CCDC149: variants seen among roughly 807,000 people sequenced by gnomAD.
CCDC149 encodes coiled-coil domain-containing protein 149.
In CCDC149, 45 loss-of-function variants were observed where a neutral mutation model predicts 59.9. That is an observed-to-expected ratio of 0.75 (90% CI 0.59 to 0.96). The LOEUF (loss-of-function observed/expected upper bound fraction) is 0.96. Among genes scored for constraint, CCDC149 ranks in the 40% least tolerant of loss-of-function variants. CCDC149 has a pLI of 0.00. For missense variants in CCDC149, 584 were observed against 664.7 expected (o/e 0.88, Z 1.33); for synonymous variants, 245 against 260.6 (o/e 0.94, Z 0.58).
At chr4:24,821,634 A>G (rs1307880112) in intron 10 of CCDC149, among the ~76,000 whole-genome samples, 1 of 152,226 alleles carries the variant, frequency 6.6e-6, no homozygotes, top group Non-Finnish European at 1.5e-5. Context: ...CGTCCATTCC[A>G]GGGAAGCATC....
At chr4:24,825,589 T>C (rs1330910960) in intron 9 of CCDC149, among the ~76,000 whole-genome samples, 1 of 151,834 alleles carries the variant, frequency 6.6e-6, no homozygotes, top group Non-Finnish European at 1.5e-5. Flanking sequence ...CTGGCTAACA[T>C]GGTGAAACCC....
chr4:24,959,130 C>G (rs866197816), intron 1 of CCDC149, among the ~76,000 whole-genome samples: 19 of 152,222 alleles, frequency 1.2e-4, no homozygotes, highest in Middle Eastern at 3.4e-3. Context: ...TGTGCCACCA[C>G]GGCCAGCTAA....
chr4:24,974,221 G>A (rs765320069), intron 1 of CCDC149, among the ~76,000 whole-genome samples: 5 of 152,180 alleles, frequency 3.3e-5, no homozygotes, highest in Non-Finnish European at 5.9e-5. Flanking sequence ...GCCATCTGTG[G>A]TTTGAGACTC....
rs370379475 is a variant in CCDC149 at position 24,866,714 on chromosome 4, A to T, written c.264+6967T>A. Among the ~76,000 whole-genome samples, 84 of 151,954 alleles carry T rather than the reference A, an allele frequency of 5.5e-4. No homozygotes were observed. In the East Asian group the frequency reaches 8.9e-3, roughly 16 times the overall value. On this transcript the variant is annotated intron_variant, in intron 3 of 12. Transcript: ENST00000635206. ...AAAAGGATTCTGAGTTCCAAAAGAA[A>T]GCCTCAACAACTACATTTCTAGAAC...
rs1193187148 is a variant in CCDC149, at chr4:24,813,592, C to T, written c.1193-4773G>A. ...AAAATGGAGCTTAGAATTTCTGCAA[C>T]GTGTAACAATGTTCCTACATCTGTG... is the stretch of plus-strand genomic sequence containing the variant. On this transcript the variant is annotated intron_variant, in intron 12 of 12. Transcript: ENST00000635206. Among the ~76,000 whole-genome samples, 8 of 148,762 alleles carry T rather than the reference C, an allele frequency of 5.4e-5. No individual in the cohort carries two copies. In the East Asian group the frequency reaches 9.9e-4, roughly 18 times the overall value.
At chr4:24,872,947 G>C (rs1413998502) in intron 3 of CCDC149, among the ~76,000 whole-genome samples, 1 of 149,396 alleles carries the variant, frequency 6.7e-6, no homozygotes, top group Non-Finnish European at 1.5e-5. Flanking sequence ...CCATAGAACA[G>C]TATGACCCAC....
intron 12 of CCDC149, among the ~76,000 whole-genome samples, chr4:24,813,048 T>C (rs1714734729): frequency 6.6e-6 from 1 of 152,140 alleles, no homozygotes; most frequent in South Asian, 2.1e-4. Flanking sequence ...ATCCCCAGTG[T>C]GATGGTATTT....
intron 1 of CCDC149, among the ~76,000 whole-genome samples, chr4:24,879,528 A>G (rs1483765294): frequency 3.3e-5 from 5 of 151,282 alleles, no homozygotes; most frequent in Non-Finnish European, 7.4e-5. Context: ...AAAAAAAAAA[A>G]AAAAAAATTA....
chr4:24,813,489 A>AATATATCT (rs1186488610), intron 12 of CCDC149, among the ~76,000 whole-genome samples: 3 of 113,734 alleles, frequency 2.6e-5, no homozygotes, highest in African/African-American at 1.2e-4. Flanking sequence ...CAGCTTGGGG[A>AATATATCT]ATATATATAT....
At chr4:24,858,156 C>G (rs1577417572) in intron 3 of CCDC149, among the ~76,000 whole-genome samples, 2 of 152,322 alleles carry the variant, frequency 1.3e-5, no homozygotes, top group African/African-American at 4.8e-5. Flanking sequence ...CAAGCTAACA[C>G]ACGGTGCCTG....
chr4:24,872,110 CA>C (rs1203875415), intron 3 of CCDC149, among the ~76,000 whole-genome samples: 1 of 152,120 alleles, frequency 6.6e-6, no homozygotes, highest in Non-Finnish European at 1.5e-5. Flanking sequence ...TAAAGCAAAA[CA>C]ATAAGAATAA....
intron 9 of CCDC149, among the ~76,000 whole-genome samples, chr4:24,825,154 AT>A (rs1015756931): frequency 6.6e-6 from 1 of 152,224 alleles, no homozygotes; most frequent in Non-Finnish European, 1.5e-5. Flanking sequence ...GTAAAGCACT[AT>A]GCTACAGGCT....
chr4:24,917,240 C>A (rs1722153492), upstream of CCDC149, among the ~76,000 whole-genome samples: 1 of 152,226 alleles, frequency 6.6e-6, no homozygotes, highest in South Asian at 2.1e-4. Flanking sequence ...CAAGCCCTCC[C>A]TGCCCAGCGG....
chr4:24,837,330 G>A lies in CCDC149; in HGVS notation c.560C>T (p.Ser187Phe). The A allele has an allele frequency of 1.2e-6, 2 of 1,614,162 alleles. No individual in the cohort carries two copies. Among genetic ancestry groups the A allele is most frequent in the Non-Finnish European group, 1.7e-6 (2 of 1,180,022 alleles). The change falls in exon 6 of 13, where the codon TCC (serine) becomes TTC (phenylalanine). Residue 187 changes from serine (S) to phenylalanine (F), a missense_variant. By Grantham distance (155) the Ser-to-Phe change is radical. Coordinates refer to ENST00000635206, the MANE Select transcript of CCDC149 (RefSeq NM_001330643.2). The surrounding 1 kb of genome is among the most constrained non-coding windows in gnomAD (Gnocchi z 4.3). ...GAGCCTCTCCACTTTGTCCTGGTAG[G>A]AAGACCGTTCTTCTTTAACATCCTG...
At chr4:24,809,066 T>C (rs1239050990) in intron 12 of CCDC149, among the ~76,000 whole-genome samples, 1 of 152,216 alleles carries the variant, frequency 6.6e-6, no homozygotes, top group Non-Finnish European at 1.5e-5. Context: ...GGCCATGTCA[T>C]AATCCATCCT....
At chr4:24,940,420 G>T (rs1203522407) in intron 1 of CCDC149, among the ~76,000 whole-genome samples, 3 of 152,060 alleles carry the variant, frequency 2.0e-5, no homozygotes, top group South Asian at 2.1e-4. Flanking sequence ...AGGAACAACT[G>T]GTACCAGCCA....
chr4:24,814,150 C>G (rs1221175938), intron 12 of CCDC149, among the ~76,000 whole-genome samples: 1 of 152,212 alleles, frequency 6.6e-6, no homozygotes, highest in Non-Finnish European at 1.5e-5. Context: ...CATTTAGTCA[C>G]AGACAACTAT....
intron 1 of CCDC149, among the ~76,000 whole-genome samples, chr4:24,946,669 T>C (rs993167500): frequency 6.6e-6 from 1 of 152,248 alleles, no homozygotes; most frequent in Non-Finnish European, 1.5e-5. Flanking sequence ...ATATGTTAAA[T>C]GGCAGTCTAA....
chr4:24,821,148 T>C, intron 10 of CCDC149, 61 bp from the exon 11 acceptor site: 1 of 985,762 alleles, frequency 1.0e-6, no homozygotes, highest in South Asian at 5.1e-5. Context: ...CATTTGAAGT[T>C]GCACCTAGAC....
Sources: allele counts gnomAD v4.1 joint callset (sites outside exome capture counted in the v4.1 genomes callset), GRCh38; gene constraint gnomAD v4.1.1; non-coding constraint Gnocchi (gnomAD v3.1); transcripts MANE v1.5; gene names NCBI Gene and HGNC (gene_info 2026-07-23, HGNC 2026-07-21).